MYH15: variants seen among roughly 807,000 people sequenced by gnomAD.
MYH15 encodes myosin-15.
Under a neutral mutation model 240.5 loss-of-function variants are expected in MYH15, and 227 were observed. The observed-to-expected ratio is 0.94, with a 90% CI of 0.85 to 1.05. The LOEUF (loss-of-function observed/expected upper bound fraction) is 1.05, where lower values mean the gene tolerates loss of function less well. Among genes scored for constraint, MYH15 ranks in the 50% least tolerant of loss-of-function variants. The pLI, the probability that MYH15 is intolerant of heterozygous loss-of-function variation, is 0.00. For synonymous variants in MYH15, 785 were observed against 796.7 expected (o/e 0.99, Z 0.25); for missense variants, 2,217 against 2,247.5 (o/e 0.99, Z 0.27).
Position 108,485,189 on chromosome 3 carries a change from T to C in MYH15, c.1016A>G (p.Tyr339Cys), listed in dbSNP as rs2083295543. 2 of 1,614,014 alleles carry C rather than the reference T, an allele frequency of 1.2e-6. No homozygotes were observed. The highest frequency in any genetic ancestry group is 8.5e-7 in the Non-Finnish European group (1 of 1,179,970). Residue 339 changes from tyrosine to cysteine, a missense_variant, in exon 11 of 41, where the codon TAT (tyrosine) becomes TGT (cysteine). By Grantham distance (194) the Tyr-to-Cys change is radical. Transcript: ENST00000693548. ...DILGFLPDEK[Y>C]GCYKLTGAIM... is the part of the protein sequence containing the mutation. ...GGCTCCAGTGAGTTTATAGCATCCA[T>C]ACTTCTCATCAGGAAGAAAGCCCAA... is the stretch of plus-strand genomic sequence containing the variant.
At chr3:108,444,445 A>C (rs533210781) in intron 22 of MYH15, among the ~76,000 whole-genome samples, 195 bp downstream of exon 22, 2 of 152,210 alleles carry the variant, frequency 1.3e-5, no homozygotes, top group Non-Finnish European at 2.9e-5. Context: ...CCTTTTTAAA[A>C]GACATCTTGC....
intron 29 of MYH15, 29 bp from the exon 30 acceptor site, chr3:108,414,457 TCATGACCAC>T (rs768285661): frequency 6.3e-7 from 1 of 1,583,490 alleles, no homozygotes; most frequent in South Asian, 1.1e-5. Context: ...AACAAAAAGG[TCATGACCAC>T]CATGAGCAAC....
the MYH15 span, among the ~76,000 whole-genome samples, chr3:108,548,499 C>T: frequency 2.0e-5 from 3 of 152,116 alleles, no homozygotes; most frequent in Admixed American, 2.0e-4. Flanking sequence ...TTGTCTATGG[C>T]TGCTTCTGTG....
chr3:108,393,471 G>A (rs1350234), intron 36 of MYH15, among the ~76,000 whole-genome samples: 10,390 of 152,230 alleles, frequency 0.068, 1,096 homozygotes, highest in East Asian at 0.48. Context: ...ATGAAGGTGC[G>A]CCAAAGCTGG....
intron 1 of MYH15, among the ~76,000 whole-genome samples, chr3:108,508,022 G>T (rs2083491453): frequency 6.6e-6 from 1 of 152,094 alleles, no homozygotes; most frequent in Admixed American, 6.6e-5. Context: ...TTTAGAAAAA[G>T]AACCTTGGGA....
chr3:108,455,143 T>G (rs2083008124), intron 20 of MYH15, among the ~76,000 whole-genome samples: 1 of 152,172 alleles, frequency 6.6e-6, no homozygotes, highest in African/African-American at 2.4e-5. Context: ...TGAATGTCAT[T>G]AGGAACAAAC....
the MYH15 span, among the ~76,000 whole-genome samples, chr3:108,536,785 T>G: frequency 2.0e-5 from 3 of 152,246 alleles, no homozygotes; most frequent in Admixed American, 6.5e-5. Context: ...AATGTACACT[T>G]ACGGGATACC....
chr3:108,384,944 G>A (rs895202782), intron 38 of MYH15, among the ~76,000 whole-genome samples, 162 bp from the exon 39 acceptor site: 1 of 152,142 alleles, frequency 6.6e-6, no homozygotes, highest in African/African-American at 2.4e-5. Context: ...CCAAGAAATT[G>A]ATAAATAGAA....
At chr3:108,544,364 T>G in the MYH15 span, among the ~76,000 whole-genome samples, 1,841 of 152,282 alleles carry the variant, frequency 0.012, 40 homozygotes, top group African/African-American at 0.042. Flanking sequence ...TTGATTAGTA[T>G]GTAATGACCA....
At chr3:108,524,929 G>T (rs745655099) in intron 1 of MYH15, among the ~76,000 whole-genome samples, 1 of 151,974 alleles carries the variant, frequency 6.6e-6, no homozygotes, top group East Asian at 1.9e-4. Flanking sequence ...ATTTACACTT[G>T]GGAAGAAACA....
At chr3:108,530,745 C>T (rs2083705836), upstream of MYH15, among the ~76,000 whole-genome samples, 1 of 152,006 alleles carries the variant, frequency 6.6e-6, no homozygotes, top group Non-Finnish European at 1.5e-5. Flanking sequence ...TCTAAAAATA[C>T]TTAAAAATTA....
chr3:108,532,692 G>A (rs919951820), upstream of MYH15, among the ~76,000 whole-genome samples: 2 of 152,062 alleles, frequency 1.3e-5, no homozygotes, highest in South Asian at 4.1e-4. Context: ...TGACTAATAT[G>A]TCATCTTAGA....
chr3:108,498,511 C>T (rs1176289540), intron 5 of MYH15, among the ~76,000 whole-genome samples: 3 of 152,162 alleles, frequency 2.0e-5, no homozygotes, highest in Non-Finnish European at 4.4e-5. Context: ...ACCACACAGC[C>T]AAGTCCAACC....
At chr3:108,471,033 G>GAGAGAA (rs2083169760) in intron 12 of MYH15, among the ~76,000 whole-genome samples, 186 bp from the exon 13 acceptor site, 1 of 123,288 alleles carries the variant, frequency 8.1e-6, no homozygotes, top group Admixed American at 9.6e-5. Context: ...GAAAAAGAAA[G>GAGAGAA]AAAGAAAGAA....
upstream of MYH15, among the ~76,000 whole-genome samples, chr3:108,513,043 A>G (rs1228568384): frequency 1.3e-5 from 2 of 152,152 alleles, no homozygotes; most frequent in Non-Finnish European, 2.9e-5. Flanking sequence ...AGTTGCACAT[A>G]TGGCTTTACA....
intron 29 of MYH15, among the ~76,000 whole-genome samples, 167 bp from the exon 30 acceptor site, chr3:108,414,595 A>G (rs1341533504): frequency 6.6e-6 from 1 of 152,190 alleles, no homozygotes; most frequent in Non-Finnish European, 1.5e-5. Flanking sequence ...GAGACAAGAG[A>G]AAGGATAGAT....
intron 21 of MYH15, among the ~76,000 whole-genome samples, chr3:108,447,249 A>G (rs969342014): frequency 1.3e-5 from 2 of 152,180 alleles, no homozygotes; most frequent in African/African-American, 4.8e-5. Context: ...GCTTACCAAT[A>G]TACACATTAT....
chr3:108,479,507 C>A (rs1283405083), intron 11 of MYH15, among the ~76,000 whole-genome samples: 2 of 152,204 alleles, frequency 1.3e-5, no homozygotes, highest in African/African-American at 4.8e-5. Context: ...TAGTCCTCAA[C>A]TTTGACTGCA....
Position 108,485,225 on chromosome 3 carries a change from G to A in MYH15, c.980C>T (p.Ala327Val). 1.9e-6 allele frequency: 3 copies of A among 1,613,796 alleles called. No individual in the cohort carries two copies. The highest frequency in any genetic ancestry group is 2.5e-6 in the Non-Finnish European group (3 of 1,179,876). The change falls in exon 11 of 41, where the codon GCC becomes GTC. Residue 327 changes from alanine to valine, a missense_variant. Coordinates refer to ENST00000693548, the MANE Select transcript of MYH15 (RefSeq NM_014981.3). ...AGGAAGAAAGCCCAAGATGTCCATG[G>A]CTTGCTGTAAAAAGAGAAACAGATG... ...DAEELLATEQ[A>V]MDILGFLPDE...
Sources: gnomAD v4.1 joint callset for allele counts (sites outside exome capture counted in the v4.1 genomes callset) on GRCh38, gnomAD v4.1.1 for gene constraint, MANE v1.5 for transcripts, NCBI Gene and HGNC (gene_info 2026-07-23, HGNC 2026-07-21) for gene names.